The following GATM variants were observed in gnomAD, a reference collection of about 807,000 sequenced individuals.
The protein encoded by GATM is glycine amidinotransferase.
In GATM, 23 loss-of-function variants were observed where a neutral mutation model predicts 54.2. The observed-to-expected ratio is 0.42, with a 90% CI of 0.31 to 0.60. The LOEUF (loss-of-function observed/expected upper bound fraction) is 0.60. GATM is among the 20% of genes least tolerant of loss of function. The probability of loss-of-function intolerance (pLI) is 0.14; values close to 1 mark genes in which losing one functional copy is unlikely to be tolerated. For synonymous variants in GATM, 168 were observed against 183.1 expected, an observed-to-expected ratio of 0.92 and a Z score of 0.67; for missense variants, 401 against 544.9, an observed-to-expected ratio of 0.74 and a Z score of 2.63.
chr15:45,402,016 C>G (rs1433812556), exon 1 of GATM: 1 of 178,216 alleles, frequency 5.6e-6, no homozygotes, highest in Non-Finnish European at 1.2e-5. Context: ...ATAGCAAAGT[C>G]TCTAGGTTGC....
chr15:45,372,120 C>A (rs1303110145), intron 2 of GATM, among the ~76,000 whole-genome samples: 1 of 152,214 alleles, frequency 6.6e-6, no homozygotes, highest in East Asian at 1.9e-4. Flanking sequence ...CAAATTTGGC[C>A]TGCTGCTTGT....
chr15:45,369,662 A>G, intron 2 of GATM, 141 bp from the exon 3 acceptor site: 1 of 737,804 alleles, frequency 1.4e-6, no homozygotes, highest in Non-Finnish European at 2.4e-6. Flanking sequence ...GATCCCTAGC[A>G]TTGAGCACAT....
At chr15:45,380,728 T>C (rs1889729702), upstream of GATM, among the ~76,000 whole-genome samples, 1 of 152,144 alleles carries the variant, frequency 6.6e-6, no homozygotes, top group African/African-American at 2.4e-5. Flanking sequence ...TTTACGATGT[T>C]GTTAAGTTTT....
chr15:45,369,137 G>A (rs1304514512), intron 3 of GATM, among the ~76,000 whole-genome samples, 189 bp downstream of exon 3: 2 of 152,192 alleles, frequency 1.3e-5, no homozygotes, highest in Non-Finnish European at 2.9e-5. Context: ...GAGATGGAAT[G>A]GAGTTTAGAA....
At chr15:45,366,325 G>C (rs150282769) in intron 5 of GATM, 46 bp downstream of exon 5, 1,059 of 1,612,184 alleles carry the variant, frequency 6.6e-4, no homozygotes, top group Non-Finnish European at 8.6e-4. Context: ...TGGAAGTAAA[G>C]AATACAATAA....
upstream of GATM, among the ~76,000 whole-genome samples, chr15:45,383,333 G>A (rs1342821968): frequency 6.6e-6 from 1 of 152,202 alleles, no homozygotes. Flanking sequence ...GAAGACAACT[G>A]CAAAACACTA....
At chr15:45,393,987 C>T (rs1388895893) in intron 3 of GATM, among the ~76,000 whole-genome samples, 4 of 152,220 alleles carry the variant, frequency 2.6e-5, no homozygotes, top group Non-Finnish European at 4.4e-5. Flanking sequence ...AATGCTAGCC[C>T]CTGCTGGAAG....
intron 3 of GATM, among the ~76,000 whole-genome samples, chr15:45,394,379 C>T (rs1889904670): frequency 6.6e-6 from 1 of 152,174 alleles, no homozygotes; most frequent in South Asian, 2.1e-4. Flanking sequence ...TCCACAAAAT[C>T]GGTCTCTGGT....
intron 3 of GATM, among the ~76,000 whole-genome samples, chr15:45,387,222 T>C (rs1889813926): frequency 6.6e-6 from 1 of 152,222 alleles, no homozygotes. Flanking sequence ...GGGACAGATT[T>C]CAGACATTCC....
At chr15:45,365,606 A>G (rs1145085) in intron 6 of GATM, among the ~76,000 whole-genome samples, 70,079 of 151,980 alleles carry the variant, frequency 0.46, 20,426 homozygotes, top group East Asian at 0.84. Context: ...CAGTGGCTTC[A>G]CTTTTCCCTA....
At chr15:45,402,134 A>T in exon 1 of GATM, 2 of 449,390 alleles carry the variant, frequency 4.5e-6, no homozygotes, top group Non-Finnish European at 3.9e-6. Flanking sequence ...ATGCTTAATG[A>T]CCTAGTGAAG....
chr15:45,373,515 A>C (rs1376678040), intron 2 of GATM, among the ~76,000 whole-genome samples: 2 of 130,826 alleles, frequency 1.5e-5, no homozygotes, highest in Non-Finnish European at 3.2e-5. Context: ...AAAAATATAT[A>C]TCTATATATA....
At chr15:45,369,194 A>T in intron 3 of GATM, 132 bp downstream of exon 3, 1 of 710,344 alleles carries the variant, frequency 1.4e-6, no homozygotes, top group Non-Finnish European at 2.4e-6. Flanking sequence ...ATTCCTAAAT[A>T]AATCTTTAAA....
chr15:45,387,606 G>A (rs982360576), intron 3 of GATM, among the ~76,000 whole-genome samples: 1 of 152,208 alleles, frequency 6.6e-6, no homozygotes, highest in Non-Finnish European at 1.5e-5. Flanking sequence ...CCTCTGGAGA[G>A]CAAGGGCTAC....
intron 2 of GATM, among the ~76,000 whole-genome samples, chr15:45,398,118 T>C (rs552657739): frequency 1.1e-4 from 16 of 152,362 alleles, no homozygotes; most frequent in African/African-American, 1.4e-4. Context: ...TCTTCAATGT[T>C]TGACTTCCCA....
At chr15:45,374,645 C>A (rs1889597355) in intron 2 of GATM, among the ~76,000 whole-genome samples, 1 of 152,334 alleles carries the variant, frequency 6.6e-6, no homozygotes, top group African/African-American at 2.4e-5. Context: ...GACTTCTTAA[C>A]TGGCCAGCCC....
chr15:45,375,044 T>C (rs1889607236), intron 2 of GATM, among the ~76,000 whole-genome samples: 1 of 152,148 alleles, frequency 6.6e-6, no homozygotes, highest in African/African-American at 2.4e-5. Context: ...ATAAGAACGT[T>C]ACAGATAAAA....
chr15:45,366,030 C>T lies in GATM; in HGVS notation c.978+16G>A. On this transcript the variant is annotated intron_variant, in intron 6 of 8. Transcript: ENST00000396659. ...TAGATTCTGTTGCTTTTCCAGAGTC[C>T]CAAGAAATCTCTTACCTGGTGACAT... The T allele has an allele frequency of 6.2e-7, 1 of 1,613,562 alleles. No homozygotes were observed. The highest frequency in any genetic ancestry group is 8.5e-7 in the Non-Finnish European group (1 of 1,179,646).
intron 3 of GATM, among the ~76,000 whole-genome samples, chr15:45,387,446 G>GTT (rs77558623): frequency 1.4e-5 from 2 of 145,206 alleles, no homozygotes; most frequent in Admixed American, 6.9e-5. Context: ...TGGTATTCCT[G>GTT]TTTTTTTTTT....
Sources: gnomAD v4.1 joint callset for allele counts (sites outside exome capture counted in the v4.1 genomes callset) on GRCh38, gnomAD v4.1.1 for gene constraint, MANE v1.5 for transcripts, NCBI Gene and HGNC (gene_info 2026-07-23, HGNC 2026-07-21) for gene names.